Variants in COL18A1 observed in about 807,000 individuals in gnomAD.
COL18A1 encodes collagen type XVIII alpha 1 chain.
In COL18A1, 133 loss-of-function variants were observed where a neutral mutation model predicts 168.0. The ratio of observed to expected loss-of-function variants is 0.79; its 90% CI spans 0.69 to 0.91. The LOEUF (loss-of-function observed/expected upper bound fraction) is 0.91. COL18A1 is among the 40% of genes least tolerant of loss of function. The pLI, the probability that COL18A1 is intolerant of heterozygous loss-of-function variation, is 0.00. For missense variants in COL18A1, 2,126 were observed against 1,925.4 expected, an observed-to-expected ratio of 1.10 and a Z score of -1.95; for synonymous variants, 949 against 809.0, an observed-to-expected ratio of 1.17 and a Z score of -2.94.
intron 2 of COL18A1, among the ~76,000 whole-genome samples, chr21:45,437,495 C>CAG (rs2034178088): frequency 9.4e-5 from 8 of 85,188 alleles, no homozygotes; most frequent in Non-Finnish European, 1.3e-4. Context: ...CTCACACTCA[C>CAG]ACACAGGCAC....
Position 45,478,350 on chromosome 21 carries a change from G to A in COL18A1, c.1245G>A (p.Lys415=). 2 of 1,614,192 alleles carry A rather than the reference G, an allele frequency of 1.2e-6. No individual in the cohort carries two copies. The highest frequency in any genetic ancestry group is 2.7e-5 in the African/African-American group (2 of 75,038). Residue 415 remains lysine, a synonymous_variant, in exon 9 of 42, where the codon AAG becomes AAA. Coordinates refer to ENST00000651438, the MANE Select transcript of COL18A1 (RefSeq NM_001379500.1). The stretch of plus-strand genomic sequence containing the variant: ...AGGGCGACCCCGGTGAAGACGGAAA[G>A]CCGGTGAGTCTGCTTTTCTTTCTGA... ...GEPGDPGEDG[K]PGDTGPQGFP...
chr21:45,436,852 C>A (rs2034116303), intron 2 of COL18A1, among the ~76,000 whole-genome samples: 1 of 119,630 alleles, frequency 8.4e-6, no homozygotes, highest in Non-Finnish European at 1.7e-5. Context: ...GCCTGGGGGT[C>A]TGTGACTGGG....
At chr21:45,459,332 C>A (rs1057013572) in intron 2 of COL18A1, among the ~76,000 whole-genome samples, 1 of 144,024 alleles carries the variant, frequency 6.9e-6, no homozygotes, top group East Asian at 1.9e-4. Flanking sequence ...GGGCAGACTT[C>A]GAGGCCCCGA....
At chr21:45,460,432 C>T (rs992546033) in intron 2 of COL18A1, among the ~76,000 whole-genome samples, 1 of 152,218 alleles carries the variant, frequency 6.6e-6, no homozygotes, top group Non-Finnish European at 1.5e-5. Flanking sequence ...GGCCCCTGGG[C>T]TGGGGCTTCC....
At chr21:45,486,396 C>T (rs868864172) in intron 15 of COL18A1, among the ~76,000 whole-genome samples, 15 of 114,452 alleles carry the variant, frequency 1.3e-4, no homozygotes, top group East Asian at 5.6e-4. Flanking sequence ...CTTCTCCCCT[C>T]GCCTGCCCGG....
intron 2 of COL18A1, among the ~76,000 whole-genome samples, chr21:45,449,547 A>C (rs368019557): frequency 1.3e-5 from 2 of 152,044 alleles, no homozygotes; most frequent in Non-Finnish European, 2.9e-5. Flanking sequence ...CCCTGCCCCC[A>C]CCGTGGGGGA....
chr21:45,510,814 AG>A (rs1231652588), intron 40 of COL18A1, among the ~76,000 whole-genome samples: 1 of 152,022 alleles, frequency 6.6e-6, no homozygotes, highest in Non-Finnish European at 1.5e-5. Flanking sequence ...GTTAGGGGAC[AG>A]GGTCCCCTGC....
At chr21:45,456,572 G>A in intron 2 of COL18A1, 2 of 1,544,764 alleles carry the variant, frequency 1.3e-6, no homozygotes, top group South Asian at 1.2e-5. Context: ...CGGCCACCTG[G>A]GCATCTCACG....
rs777090959 is a variant in COL18A1, at chr21:45,488,428, G to T, written c.1907G>T (p.Gly636Val). Reference protein sequence around the residue: ...RSADGPQGPPGLPGLKGDPGV... With the variant: ...RSADGPQGPPVLPGLKGDPGV... ...CCTCTGCCCTGACAGGGACCTCCCG[G>T]CCTGCCGGGACTTAAGGTCAGTGAC... Residue 636 changes from glycine (G) to valine (V), a missense_variant, in exon 18 of 42, where the codon GGC becomes GTC. Transcript: ENST00000651438. 1.2e-6 allele frequency: 2 copies of T among 1,613,792 alleles called. No individual in the cohort carries two copies. Among genetic ancestry groups the T allele is most frequent in the Admixed American group, 3.3e-5 (2 of 60,010 alleles).
At chr21:45,414,542 G>C (rs2033387156) in intron 2 of COL18A1, among the ~76,000 whole-genome samples, 1 of 152,154 alleles carries the variant, frequency 6.6e-6, no homozygotes, top group Non-Finnish European at 1.5e-5. Flanking sequence ...ACAGACCTGG[G>C]CGGCCTCCTG....
intron 2 of COL18A1, chr21:45,467,139 C>A: frequency 1.4e-6 from 1 of 724,710 alleles, no homozygotes; most frequent in Non-Finnish European, 1.7e-6. Context: ...CCTGGCACGG[C>A]AGGTGTGCTG....
At chr21:45,487,646 G>C in intron 17 of COL18A1, 137 bp downstream of exon 17, 1 of 1,146,912 alleles carries the variant, frequency 8.7e-7, no homozygotes, top group Non-Finnish European at 1.3e-6. Context: ...CACGTGTGGC[G>C]GGCGCTGTGC....
At chr21:45,436,715 TGGGGG>T (rs910249093) in intron 2 of COL18A1, among the ~76,000 whole-genome samples, 3 of 142,368 alleles carry the variant, frequency 2.1e-5, no homozygotes, top group Admixed American at 6.9e-5. Flanking sequence ...GGACTGCTGG[TGGGGG>T]GCCCTAGAAG....
chr21:45,480,440 A>T, intron 11 of COL18A1, 27 bp from the exon 12 acceptor site: 1 of 1,614,070 alleles, frequency 6.2e-7, no homozygotes, highest in Non-Finnish European at 8.5e-7. Context: ...GCTCAGGGCA[A>T]CGTGTCTCTC....
intron 32 of COL18A1, among the ~76,000 whole-genome samples, chr21:45,499,632 A>G (rs74497490): frequency 0.06 from 7,877 of 131,370 alleles, 381 homozygotes; most frequent in Admixed American, 0.075. Context: ...GAACCGGCAC[A>G]GGCTGCACAG....
chr21:45,416,963 G>A (rs527605917), intron 2 of COL18A1, among the ~76,000 whole-genome samples: 1 of 152,274 alleles, frequency 6.6e-6, no homozygotes, highest in Admixed American at 6.5e-5. Flanking sequence ...CTTGTTCCGT[G>A]AGTTTTCAGA....
intron 8 of COL18A1, 133 bp from the exon 9 acceptor site, chr21:45,478,194 G>A: frequency 8.4e-7 from 1 of 1,184,934 alleles, no homozygotes; most frequent in South Asian, 1.2e-5. Flanking sequence ...CCTGGCGCGG[G>A]TGCGAGGACA....
At position 45,492,694 on chromosome 21, in the gene COL18A1, C is replaced by T. The variant is rs760617633; in HGVS notation, c.2195C>T (p.Pro732Leu). 7.5e-6 allele frequency: 12 copies of T among 1,610,368 alleles called. No individual in the cohort carries two copies. Among genetic ancestry groups the T allele is most frequent in the African/African-American group, 1.3e-5 (1 of 74,808 alleles). Reference sequence around the variant, plus strand: ...CCGTCCCTCTTTCCCCAGGGCCGGCCGGGTTTCGCAGGCTTTCCCGTGAGT... The same window carrying T: ...CCGTCCCTCTTTCCCCAGGGCCGGCTGGGTTTCGCAGGCTTTCCCGTGAGT... ...VLSVPGPEGR[P>L]GFAGFPGPAG... Residue 732 changes from proline (P) to leucine (L), a missense_variant, in exon 24 of 42, where the codon CCG becomes CTG. Transcript: ENST00000651438.
At chr21:45,432,880 G>A (rs1374420819) in intron 2 of COL18A1, among the ~76,000 whole-genome samples, 3 of 152,240 alleles carry the variant, frequency 2.0e-5, no homozygotes, top group African/African-American at 7.2e-5. Flanking sequence ...TCCACCCACA[G>A]AAATCAAGGC....
Sources: gnomAD v4.1 joint callset for allele counts (sites outside exome capture counted in the v4.1 genomes callset) on GRCh38, gnomAD v4.1.1 for gene constraint, MANE v1.5 for transcripts, NCBI Gene and HGNC (gene_info 2026-07-23, HGNC 2026-07-21) for gene names.